IFIT3: variants seen among roughly 807,000 people sequenced by gnomAD.
IFIT3 encodes interferon induced protein with tetratricopeptide repeats 3.
A neutral mutation model predicts 2.4 loss-of-function variants in IFIT3; 2 were observed. The ratio of observed to expected loss-of-function variants is 0.82; its 90% CI spans 0.34 to 2.60. IFIT3 has a LOEUF of 2.60. IFIT3 is among the 30% of genes most tolerant of loss of function. The pLI is 0.11. For synonymous variants in IFIT3, 203 were observed against 212.1 expected, an observed-to-expected ratio of 0.96 and a Z score of 0.37; for missense variants, 481 against 562.4, an observed-to-expected ratio of 0.86 and a Z score of 1.46.
rs1039135275 is a variant in IFIT3 at position 89,339,539 on chromosome 10, C to T, written c.884C>T (p.Thr295Ile). ...YKAKVRQMQN[T>I]GESEASGNKE... The stretch of plus-strand genomic sequence containing the variant: ...GCAAAAGTAAGACAAATGCAGAATA[C>T]AGGAGAATCTGAAGCTAGTGGAAAT... The change falls in exon 2 of 2, where the codon ACA becomes ATA. Residue 295 changes from threonine to isoleucine, a missense_variant. Coordinates refer to ENST00000371818, the MANE Select transcript of IFIT3 (RefSeq NM_001549.6). 22 of 1,614,096 alleles carry T rather than the reference C, an allele frequency of 1.4e-5. No individual in the cohort carries two copies. Among genetic ancestry groups the T allele is most frequent in the Non-Finnish European group, 1.8e-5 (21 of 1,180,002 alleles).
Position 89,340,823 on chromosome 10 carries a change from A to T in IFIT3, c.*695A>T, listed in dbSNP as rs1843859981. On this transcript the variant is annotated 3_prime_UTR_variant, in exon 2 of 2. Coordinates refer to ENST00000371818, the MANE Select transcript of IFIT3 (RefSeq NM_001549.6). ...TCATCCAGACTTCTGGAACTCAAAGATTAACTTTTGACTAACCCTGGAATA... is the reference window on the plus strand; with the variant it reads ...TCATCCAGACTTCTGGAACTCAAAGTTTAACTTTTGACTAACCCTGGAATA... The T allele has an allele frequency of 6.6e-6, 1 of 152,168 alleles. No individual in the cohort carries two copies. Among genetic ancestry groups the T allele is most frequent in the Non-Finnish European group, 1.5e-5 (1 of 68,036 alleles). The allele number at this position is 152,168 out of a possible 1,614,324, so 9.4% of individuals were successfully genotyped here. A position where few individuals can be genotyped will look rare whatever the true frequency, so the allele number is the denominator to read the frequency against.
chr10:89,338,524 A>G lies in IFIT3; in HGVS notation c.6-137A>G, dbSNP rs1242513278. 6 of 795,372 alleles carry G rather than the reference A, an allele frequency of 7.5e-6. No individual in the cohort carries two copies. The African/African-American group carries it at 1.0e-4, about 14-fold the overall frequency. 49.3% of individuals were successfully genotyped at this position (795,372 alleles called of 1,614,324 possible). A position where few individuals can be genotyped will look rare whatever the true frequency, so the allele number is the denominator to read the frequency against. ...TCATGTCTTCCAGAAACAACCTCAC[A>G]TACATACCCAGAAATAATGTTGGAC... On this transcript the variant is annotated intron_variant, in intron 1 of 1. Transcript: ENST00000371818.
chr10:89,328,153 C>A, intron 1 of IFIT3, 75 bp downstream of exon 1: 1 of 1,367,736 alleles, frequency 7.3e-7, no homozygotes, highest in Non-Finnish European at 1.0e-6. Context: ...ACTGTGCAGG[C>A]ACATTCCTGA....
rs41284136 is a variant in IFIT3 at position 89,328,048 on chromosome 10, G to A, written c.-26G>A. 1.3e-5 allele frequency: 21 copies of A among 1,613,732 alleles called. No individual in the cohort carries two copies. In the African/African-American group the frequency reaches 1.5e-4, roughly 11 times the overall value. On this transcript the variant is annotated 5_prime_UTR_variant, in exon 1 of 2. Transcript: ENST00000371818. ...AATCAGCCTGGTCACCAGCTTTTCG[G>A]AACAGCAGAGACACAGAGGGCAGTC...
At chr10:89,333,401 T>A (rs1843680107) in intron 1 of IFIT3, among the ~76,000 whole-genome samples, 1 of 152,202 alleles carries the variant, frequency 6.6e-6, no homozygotes, top group South Asian at 2.1e-4. Flanking sequence ...GCATACTGAA[T>A]GGCTTACAGA....
In IFIT3 at chr10:89,339,815, C is replaced by T; in HGVS notation, c.1160C>T (p.Ser387Phe). The T allele has an allele frequency of 6.2e-7, 1 of 1,614,074 alleles. No homozygotes were observed. Among genetic ancestry groups the T allele is most frequent in the Non-Finnish European group, 8.5e-7 (1 of 1,180,010 alleles). Residue 387 changes from serine (S) to phenylalanine (F), a missense_variant, in exon 2 of 2, where the codon TCC becomes TTC. Coordinates refer to ENST00000371818, the MANE Select transcript of IFIT3 (RefSeq NM_001549.6). ...TAVQHGLEGL[S>F]ISKKSTDKEE... ...GTGCAACATGGTTTAGAGGGTTTGT[C>T]CATAAGCAAAAAATCAACTGACAAG...
In IFIT3 at chr10:89,340,110, C is replaced by T. The variant is rs528157246; in HGVS notation, c.1455C>T (p.Asn485=). 2 of 1,598,832 alleles carry T rather than the reference C, an allele frequency of 1.3e-6. No individual in the cohort carries two copies. Among genetic ancestry groups the T allele is most frequent in the Non-Finnish European group, 1.7e-6 (2 of 1,171,746 alleles). Residue 485 remains asparagine (N), a synonymous_variant, in exon 2 of 2, where the codon AAC becomes AAT. Coordinates refer to ENST00000371818, the MANE Select transcript of IFIT3 (RefSeq NM_001549.6). ...CCAGTCCCAGAGAGCTCCTCTCTAA[C>T]TCAGAGCAACTGAACTGAGACAGAG... ...VSSSPRELLS[N]SEQLN is the part of the protein sequence containing the mutation.
chr10:89,329,840 G>C (rs1027850915), intron 1 of IFIT3, among the ~76,000 whole-genome samples: 3 of 152,136 alleles, frequency 2.0e-5, no homozygotes, highest in Non-Finnish European at 4.4e-5. Flanking sequence ...TTTCACCTGG[G>C]TGCAGGTGGG....
At chr10:89,329,433 G>A (rs1843628904) in intron 1 of IFIT3, among the ~76,000 whole-genome samples, 1 of 152,170 alleles carries the variant, frequency 6.6e-6, no homozygotes, top group Admixed American at 6.5e-5. Flanking sequence ...GTCTTTAGGT[G>A]TGTCTATAGC....
At chr10:89,330,160 T>A (rs1843635838) in intron 1 of IFIT3, among the ~76,000 whole-genome samples, 1 of 152,204 alleles carries the variant, frequency 6.6e-6, no homozygotes, top group Non-Finnish European at 1.5e-5. Flanking sequence ...TGGCTTAGCT[T>A]GGGCTCAGAG....
rs758401174 is a variant in IFIT3 at position 89,339,113 on chromosome 10, A to G, written c.458A>G (p.Glu153Gly). 15 of 1,614,004 alleles carry G rather than the reference A, an allele frequency of 9.3e-6. No individual in the cohort carries two copies. Among genetic ancestry groups the G allele is most frequent in the Middle Eastern group, 1.6e-4 (1 of 6,084 alleles). ...ACACAACTGAAGTGTGGAAGAAATG[A>G]AAGGGCGAAGGTGTGTTTTGAGAAG... is the stretch of plus-strand genomic sequence containing the variant. ...GWTQLKCGRN[E>G]RAKVCFEKAL... Residue 153 changes from glutamate to glycine, a missense_variant, in exon 2 of 2, where the codon GAA becomes GGA. Transcript: ENST00000371818.
chr10:89,340,223 A>G lies in IFIT3; in HGVS notation c.*95A>G. On this transcript the variant is annotated 3_prime_UTR_variant, in exon 2 of 2. Coordinates refer to ENST00000371818, the MANE Select transcript of IFIT3 (RefSeq NM_001549.6). ...AGGGGGCCCCAACCTGGGATTGCTG[A>G]GCAGGGAAGCTTTGCATGTTGCTCT... is the stretch of plus-strand genomic sequence containing the variant. 1.5e-6 allele frequency: 2 copies of G among 1,311,964 alleles called. No homozygotes were observed. The allele number at this position is 1,311,964 out of a possible 1,614,324, so 81.3% of individuals were successfully genotyped here.
chr10:89,339,445 T>A lies in IFIT3; in HGVS notation c.790T>A (p.Phe264Ile). Reference protein sequence around the residue: ...KGDLDKAIELFQRVLESTPNN... With the variant: ...KGDLDKAIELIQRVLESTPNN... ...TGACCTAGACAAAGCTATTGAACTGTTTCAACGGGTGTTGGAATCCACACC... is the reference window on the plus strand; with the variant it reads ...TGACCTAGACAAAGCTATTGAACTGATTCAACGGGTGTTGGAATCCACACC... The change falls in exon 2 of 2, where the codon TTT (phenylalanine) becomes ATT (isoleucine). Residue 264 changes from phenylalanine to isoleucine, a missense_variant. Physicochemically the swap from Phe to Ile is conservative, Grantham distance 21. Transcript: ENST00000371818. 6.2e-7 allele frequency: 1 copy of A among 1,614,162 alleles called. No homozygotes were observed. The highest frequency in any genetic ancestry group is 1.1e-5 in the South Asian group (1 of 91,084).
At chr10:89,330,146 A>G (rs1282469769) in intron 1 of IFIT3, among the ~76,000 whole-genome samples, 1 of 152,248 alleles carries the variant, frequency 6.6e-6, no homozygotes, top group Non-Finnish European at 1.5e-5. Flanking sequence ...GTCACAGGAT[A>G]TGATGGCTTA....
Position 89,328,228 on chromosome 10 carries a change from G to T in IFIT3, c.5+150G>T. ...TCTGAGCATTTGTAAGATGTTTGAG[G>T]GGTTTTTCCCTGTGGCTTTTTTTGG... On this transcript the variant is annotated intron_variant, in intron 1 of 1. Coordinates refer to ENST00000371818, the MANE Select transcript of IFIT3 (RefSeq NM_001549.6). 3 of 865,618 alleles carry T rather than the reference G, an allele frequency of 3.5e-6. No individual in the cohort carries two copies. In the East Asian group the frequency reaches 8.3e-5, roughly 24 times the overall value. 53.6% of individuals were successfully genotyped at this position (865,618 alleles called of 1,614,324 possible).
intron 1 of IFIT3, 64 bp from the exon 2 acceptor site, chr10:89,338,597 A>T: frequency 6.9e-7 from 1 of 1,446,422 alleles, no homozygotes; most frequent in Non-Finnish European, 9.4e-7. Flanking sequence ...ATATAAAATT[A>T]ATGATCACAG....
At position 89,339,583 on chromosome 10, in the gene IFIT3, C is replaced by T. The variant is rs752780101; in HGVS notation, c.928C>T (p.Leu310=). The T allele has an allele frequency of 6.2e-7, 1 of 1,614,156 alleles. No individual in the cohort carries two copies. The highest frequency in any genetic ancestry group is 1.1e-5 in the South Asian group (1 of 91,086). ...ASGNKEMIEA[L]KQYAMDYSNK... ...TGGAAATAAAGAGATGATTGAAGCA[C>T]TAAAGCAATATGCTATGGACTATTC... The change falls in exon 2 of 2, where the codon CTA becomes TTA. Residue 310 remains leucine (L), a synonymous_variant. Transcript: ENST00000371818.
rs1304240344 is a variant in IFIT3, at chr10:89,339,585, A to G, written c.930A>G (p.Leu310=). 1 of 1,614,194 alleles carries G rather than the reference A, an allele frequency of 6.2e-7. No homozygotes were observed. The highest frequency in any genetic ancestry group is 1.7e-5 in the Admixed American group (1 of 60,024). Residue 310 remains leucine (L), a synonymous_variant, in exon 2 of 2, where the codon CTA becomes CTG. Coordinates refer to ENST00000371818, the MANE Select transcript of IFIT3 (RefSeq NM_001549.6). ...GAAATAAAGAGATGATTGAAGCACT[A>G]AAGCAATATGCTATGGACTATTCGA... The part of the protein sequence containing the change: ...ASGNKEMIEA[L]KQYAMDYSNK...
chr10:89,340,898 T>G lies in IFIT3; in HGVS notation c.*770T>G, dbSNP rs1843861611. 1 of 152,240 alleles carries G rather than the reference T, an allele frequency of 6.6e-6. No individual in the cohort carries two copies. The allele number at this position is 152,240 out of a possible 1,614,324, so 9.4% of individuals were successfully genotyped here. A position where few individuals can be genotyped will look rare whatever the true frequency, so the allele number is the denominator to read the frequency against. The stretch of plus-strand genomic sequence containing the variant: ...GGCATGTATTTATATGTATTCTTGA[T>G]AGCAATACCATAATCAATGTGTATT... On this transcript the variant is annotated 3_prime_UTR_variant, in exon 2 of 2. Coordinates refer to ENST00000371818, the MANE Select transcript of IFIT3 (RefSeq NM_001549.6).
Sources: gnomAD v4.1 joint callset for allele counts (sites outside exome capture counted in the v4.1 genomes callset) on GRCh38, gnomAD v4.1.1 for gene constraint, MANE v1.5 for transcripts, NCBI Gene and HGNC (gene_info 2026-07-23, HGNC 2026-07-21) for gene names.